CLDN16: variants seen among roughly 807,000 people sequenced by gnomAD.
CLDN16 encodes the protein claudin 16.
A neutral mutation model predicts 24.6 loss-of-function variants in CLDN16; 13 were observed. The ratio of observed to expected loss-of-function variants is 0.53; its 90% CI spans 0.34 to 0.84. CLDN16 has a LOEUF of 0.84. CLDN16 is among the 40% of genes least tolerant of loss of function. The pLI is 0.01. For synonymous variants in CLDN16, 116 were observed against 106.7 expected (o/e 1.09, Z -0.54); for missense variants, 298 against 292.7 (o/e 1.02, Z -0.13).
intron 1 of CLDN16, among the ~76,000 whole-genome samples, chr3:190,324,485 CAAATAAAT>C (rs201565781): frequency 0.031 from 4,753 of 152,166 alleles, 113 homozygotes; most frequent in South Asian, 0.081. Context: ...CCCATCTCAA[CAAATAAAT>C]AAATAAATAA....
Position 190,400,791 on chromosome 3 carries a change from C to T in CLDN16, c.115-1546C>T, listed in dbSNP as rs138140423. Among the ~76,000 whole-genome samples the T allele has an allele frequency of 9.9e-5, 15 of 152,242 alleles. No individual in the cohort carries two copies. In the East Asian group the frequency reaches 2.9e-3, roughly 29 times the overall value. On this transcript the variant is annotated intron_variant, in intron 1 of 4. Transcript: ENST00000264734. ...GTGTCACAAAGAGCATGGAGGTGCG[C>T]ACATACTGATTTCCTTTCCTTTGAA...
the CLDN16 span, among the ~76,000 whole-genome samples, chr3:190,305,514 C>T: frequency 3.9e-5 from 6 of 152,188 alleles, no homozygotes; most frequent in African/African-American, 1.4e-4. Context: ...CTTCTATTAC[C>T]ACCCTTGATG....
chr3:190,386,620 T>C (rs530107242), upstream of CLDN16, among the ~76,000 whole-genome samples: 1 of 152,306 alleles, frequency 6.6e-6, no homozygotes, highest in Non-Finnish European at 1.5e-5. Context: ...TTACCACTGA[T>C]GAATTGTTTA....
At chr3:190,297,526 A>G in the CLDN16 span, among the ~76,000 whole-genome samples, 1 of 143,112 alleles carries the variant, frequency 7.0e-6, no homozygotes, top group East Asian at 2.0e-4. Flanking sequence ...ATGTATATAT[A>G]TATTATAGAT....
At chr3:190,343,013 A>G (rs529172504) in intron 1 of CLDN16, among the ~76,000 whole-genome samples, 1 of 152,168 alleles carries the variant, frequency 6.6e-6, no homozygotes, top group East Asian at 1.9e-4. Flanking sequence ...AATCAACAAA[A>G]TGAAAAGACA....
chr3:190,370,059 C>T (rs910544928), intron 1 of CLDN16, among the ~76,000 whole-genome samples: 4 of 151,870 alleles, frequency 2.6e-5, no homozygotes, highest in Middle Eastern at 6.3e-3. Context: ...GGTATGACAA[C>T]GTAGTAGAAA....
intron 1 of CLDN16, among the ~76,000 whole-genome samples, chr3:190,364,169 G>C (rs1246965162): frequency 3.3e-5 from 5 of 151,852 alleles, no homozygotes; most frequent in Non-Finnish European, 5.9e-5. Flanking sequence ...ACCCACATGT[G>C]AGTACAGTTT....
In CLDN16 at chr3:190,335,694, G is replaced by C. The variant is rs373236655; in HGVS notation, n.121+13033G>C. 4.5e-5 allele frequency among the ~76,000 whole-genome samples: 5 copies of C among 112,278 alleles called. No homozygotes were observed. The East Asian group carries it at 8.9e-4, about 20-fold the overall frequency. 73.7% of individuals were successfully genotyped at this position (112,278 alleles called of 152,430 possible). A position where few individuals can be genotyped will look rare whatever the true frequency, so the allele number is the denominator to read the frequency against. ...GCCACTGCACTCCAGCCTGGTGACA[G>C]AGCAAGACTCCATCAAAAAAAAAAA... On this transcript the variant is annotated intron_variant and non_coding_transcript_variant, in intron 1 of 4. Coordinates refer to the CLDN16 transcript ENST00000468220.
At chr3:190,341,632 T>C (rs1717438038) in intron 1 of CLDN16, among the ~76,000 whole-genome samples, 1 of 152,172 alleles carries the variant, frequency 6.6e-6, no homozygotes, top group African/African-American at 2.4e-5. Context: ...TTTTTTCCAT[T>C]GACTTGGTGA....
chr3:190,380,807 T>C (rs62278671), intron 3 of CLDN16, among the ~76,000 whole-genome samples: 28,216 of 151,934 alleles, frequency 0.19, 3,065 homozygotes, highest in Middle Eastern at 0.3. Flanking sequence ...ATAAATAAAT[T>C]AGTAAAATTT....
At chr3:190,346,298 T>C (rs1034984000) in intron 1 of CLDN16, among the ~76,000 whole-genome samples, 1 of 152,168 alleles carries the variant, frequency 6.6e-6, no homozygotes, top group Non-Finnish European at 1.5e-5. Flanking sequence ...AGAAGTACCA[T>C]GTAGAGATGT....
At chr3:190,408,750 G>T (rs1016558248) in intron 4 of CLDN16, among the ~76,000 whole-genome samples, 9 of 149,280 alleles carry the variant, frequency 6.0e-5, no homozygotes, top group African/African-American at 2.0e-4. Flanking sequence ...ATGTATAATA[G>T]TTATCTTGAT....
At chr3:190,303,196 A>C in the CLDN16 span, among the ~76,000 whole-genome samples, 4 of 152,140 alleles carry the variant, frequency 2.6e-5, no homozygotes, top group South Asian at 8.3e-4. Context: ...GCTGTATTTC[A>C]CTCTCATCTT....
chr3:190,301,189 G>A, the CLDN16 span, among the ~76,000 whole-genome samples: 3 of 152,026 alleles, frequency 2.0e-5, no homozygotes, highest in Non-Finnish European at 4.4e-5. Context: ...ATGCGCAATA[G>A]GCATGTTAAG....
At chr3:190,305,231 A>T in the CLDN16 span, among the ~76,000 whole-genome samples, 32 of 152,188 alleles carry the variant, frequency 2.1e-4, no homozygotes, top group Non-Finnish European at 4.1e-4. Flanking sequence ...AACAGGCCAC[A>T]CTTAAGGTTG....
intron 1 of CLDN16, among the ~76,000 whole-genome samples, chr3:190,326,646 A>G (rs1188127772): frequency 6.6e-6 from 1 of 152,212 alleles, no homozygotes; most frequent in Non-Finnish European, 1.5e-5. Context: ...AGAGAAAAAC[A>G]AACAAAACCT....
At chr3:190,325,029 T>C (rs1010327927) in intron 1 of CLDN16, among the ~76,000 whole-genome samples, 2 of 152,208 alleles carry the variant, frequency 1.3e-5, no homozygotes, top group African/African-American at 2.4e-5. Context: ...TCAGTTTCCC[T>C]ACCAATAAAA....
chr3:190,319,109 C>T (rs1175911345), upstream of CLDN16, among the ~76,000 whole-genome samples: 2 of 152,138 alleles, frequency 1.3e-5, no homozygotes, highest in African/African-American at 4.8e-5. Flanking sequence ...CCTACAGCAA[C>T]TCAATCTTTG....
chr3:190,398,284 T>C (rs545431530), intron 1 of CLDN16, among the ~76,000 whole-genome samples: 128 of 152,358 alleles, frequency 8.4e-4, no homozygotes, highest in African/African-American at 2.9e-3. Context: ...CTCACAGTTC[T>C]GGAGGCTGGA....
Sources: allele counts gnomAD v4.1 joint callset (sites outside exome capture counted in the v4.1 genomes callset), GRCh38; gene constraint gnomAD v4.1.1; transcripts MANE v1.5; gene names NCBI Gene and HGNC (gene_info 2026-07-23, HGNC 2026-07-21).